ARL16: variants seen among roughly 807,000 people sequenced by gnomAD.
ARL16 encodes ARF like GTPase 16.
In ARL16, 21 loss-of-function variants were observed where a neutral mutation model predicts 14.1. The observed-to-expected ratio is 1.48, with a 90% confidence interval of 1.05 to 2.14. The LOEUF is 2.14. Ranked by LOEUF, ARL16 falls within the 30% of genes most tolerant of loss-of-function variation. The pLI is 0.00. For synonymous variants in ARL16, 122 were observed against 91.8 expected, an observed-to-expected ratio of 1.33 and a Z score of -1.88; for missense variants, 248 against 222.0, an observed-to-expected ratio of 1.12 and a Z score of -0.74.
Position 81,683,694 on chromosome 17 carries a change from C to A in ARL16, c.60G>T (p.Gln20His). 2.5e-6 allele frequency: 4 copies of A among 1,604,498 alleles called. No homozygotes were observed. Among genetic ancestry groups the A allele is most frequent in the Non-Finnish European group, 3.4e-6 (4 of 1,176,660 alleles). The change falls in exon 1 of 5, where the codon CAG becomes CAT. Residue 20 changes from glutamine (Q) to histidine (H), a missense_variant and splice_region_variant. Coordinates refer to ENST00000622299, the MANE Select transcript of ARL16 (RefSeq NM_001040025.3). Reference protein sequence around the residue: ...VGKTLLVKRLQEVSSRDGKGD... With the variant: ...VGKTLLVKRLHEVSSRDGKGD... ...TCCCGTCCCCGCGCGGAAGGATATC[C>A]TGCAGCCGTTTCACCAGCAGCGTCT... is the stretch of plus-strand genomic sequence containing the variant.
chr17:81,683,016 G>A lies in ARL16; in HGVS notation c.231C>T (p.Leu77=), dbSNP rs761478217. 1.6e-5 allele frequency: 26 copies of A among 1,613,120 alleles called. No homozygotes were observed. Among genetic ancestry groups the A allele is most frequent in the Middle Eastern group, 1.6e-4 (1 of 6,084 alleles). ...WSSYYGNCRS[L]LFVMDASDPT... ...CCCATATAGGATTACAACCCACCAG[G>A]AGAGAACGGCAGTTTCCATAGTAAC... Residue 77 remains leucine, a synonymous_variant, in exon 3 of 5, where the codon CTC becomes CTT. Coordinates refer to ENST00000622299, the MANE Select transcript of ARL16 (RefSeq NM_001040025.3).
At position 81,683,539 on chromosome 17, in the gene ARL16, G is replaced by A. The variant is rs899593011; in HGVS notation, c.117C>T (p.Pro39=). Residue 39 remains proline (P), a synonymous_variant, in exon 2 of 5, where the codon CCC becomes CCT. Transcript: ENST00000622299. ...ACCCGCGGGGGCGGACACCTACCGTGGGCCGTGTCGGGGGCGGCTCCCCCA... is the reference window on the plus strand; with the variant it reads ...ACCCGCGGGGGCGGACACCTACCGTAGGCCGTGTCGGGGGCGGCTCCCCCA... The part of the protein sequence containing the change: ...GDLGEPPPTR[P]TVGTNLTDIV... The A allele has an allele frequency of 4.4e-6, 7 of 1,592,470 alleles. No homozygotes were observed. Among genetic ancestry groups the A allele is most frequent in the Admixed American group, 3.5e-5 (2 of 57,538 alleles).
Position 81,683,049 on chromosome 17 carries a change from G to C in ARL16, c.198C>G (p.Ile66Met), listed in dbSNP as rs1490722734. The C allele has an allele frequency of 6.2e-7, 1 of 1,613,730 alleles. No homozygotes were observed. The highest frequency in any genetic ancestry group is 8.5e-7 in the Non-Finnish European group (1 of 1,179,852). ...IRELGGCMGPIWSSYYGNCRS... is the reference protein window; with the variant it reads ...IRELGGCMGPMWSSYYGNCRS... ...GGCAGTTTCCATAGTAACTGGACCA[G>C]ATGGGGCCCATGCACCCCCCAAGCT... The change falls in exon 3 of 5, where the codon ATC becomes ATG. Residue 66 changes from isoleucine (I) to methionine (M), a missense_variant. Transcript: ENST00000622299.
Position 81,683,569 on chromosome 17 carries a change from G to A in ARL16, c.87C>T (p.Gly29=), listed in dbSNP as rs770645375. ...LQEVSSRDGK[G]DLGEPPPTRP... Reference sequence around the variant, plus strand: ...GTGTCGGGGGCGGCTCCCCCAGGTCGCCTTTCCCATCCCGGGAGCTCACCT... The same window carrying A: ...GTGTCGGGGGCGGCTCCCCCAGGTCACCTTTCCCATCCCGGGAGCTCACCT... Residue 29 remains glycine (G), a synonymous_variant, in exon 2 of 5, where the codon GGC becomes GGT. Transcript: ENST00000622299. 1.5e-5 allele frequency: 24 copies of A among 1,601,870 alleles called. No homozygotes were observed. The highest frequency in any genetic ancestry group is 2.7e-5 in the African/African-American group (2 of 74,514).
Position 81,683,748 on chromosome 17 carries a change from A to T in ARL16, c.6T>A (p.Cys2Ter). The part of the protein sequence containing the change: M[C>*]LLLGATGVGK... ...CGACGCCCGTGGCCCCCAGCAGGAG[A>T]CACATTCCGTGCTTCGCTCCACCCG... is the stretch of plus-strand genomic sequence containing the variant. Residue 2 changes from cysteine (C) to a stop codon, truncating the protein, a stop_gained, in exon 1 of 5, where the codon TGT becomes TGA. Coordinates refer to ENST00000622299, the MANE Select transcript of ARL16 (RefSeq NM_001040025.3). LOFTEE classifies it high-confidence loss of function. 1.2e-6 allele frequency: 2 copies of T among 1,608,152 alleles called. No homozygotes were observed. The highest frequency in any genetic ancestry group is 1.3e-5 in the African/African-American group (1 of 74,984).
intron 3 of ARL16, 72 bp downstream of exon 3, chr17:81,682,941 G>T: frequency 1.5e-6 from 2 of 1,343,232 alleles, no homozygotes; most frequent in South Asian, 1.2e-5. Context: ...CACACAGCAA[G>T]GTTGGGGACT....
Position 81,683,746 on chromosome 17 carries a change from A to T in ARL16, c.8T>A (p.Leu3His). The T allele has an allele frequency of 6.2e-7, 1 of 1,608,240 alleles. No individual in the cohort carries two copies. The highest frequency in any genetic ancestry group is 8.5e-7 in the Non-Finnish European group (1 of 1,179,074). Residue 3 changes from leucine to histidine, a missense_variant, in exon 1 of 5, where the codon CTC becomes CAC. Transcript: ENST00000622299. MC[L>H]LLGATGVGKT... ...CCCGACGCCCGTGGCCCCCAGCAGGAGACACATTCCGTGCTTCGCTCCACC... is the reference window on the plus strand; with the variant it reads ...CCCGACGCCCGTGGCCCCCAGCAGGTGACACATTCCGTGCTTCGCTCCACC...
At chr17:81,682,942 G>A (rs1276179202) in intron 3 of ARL16, 71 bp downstream of exon 3, 3 of 1,358,558 alleles carry the variant, frequency 2.2e-6, no homozygotes, top group Non-Finnish European at 3.2e-6. Context: ...ACACAGCAAG[G>A]TTGGGGACTG....
chr17:81,681,631 G>A lies in ARL16; in HGVS notation c.*77C>T, dbSNP rs1598738385. On this transcript the variant is annotated 3_prime_UTR_variant, in exon 5 of 5. Coordinates refer to ENST00000622299, the MANE Select transcript of ARL16 (RefSeq NM_001040025.3). ...TTGGGTTATTCTGCCCCTGTGAGAA[G>A]AAACTATTGGCAGCAAAGCCATACT... 1.0e-5 allele frequency: 15 copies of A among 1,453,824 alleles called. No individual in the cohort carries two copies. The highest frequency in any genetic ancestry group is 7.4e-5 in the East Asian group (3 of 40,302). 90.1% of individuals were successfully genotyped at this position (1,453,824 alleles called of 1,614,324 possible).
chr17:81,682,165 AAGAC>A lies in ARL16; in HGVS notation c.235-20_235-17del, dbSNP rs1568207422. ...CCATCACAAACTGGGGAAAAAGAAA[AAGAC>A]AGCAGCAATGCCCCGCTGCCAAACT... is the stretch of plus-strand genomic sequence containing the variant. On this transcript the variant is annotated splice_polypyrimidine_tract_variant and intron_variant, in intron 3 of 4. Transcript: ENST00000622299. The A allele has an allele frequency of 7.6e-6, 12 of 1,579,420 alleles. No individual in the cohort carries two copies. Among genetic ancestry groups the A allele is most frequent in the African/African-American group, 1.4e-5 (1 of 73,620 alleles).
rs777492466 is a variant in ARL16 at position 81,682,104 on chromosome 17, C to T, written c.280G>A (p.Val94Met). 4.3e-6 allele frequency: 7 copies of T among 1,613,014 alleles called. No individual in the cohort carries two copies. Among genetic ancestry groups the T allele is most frequent in the Admixed American group, 1.7e-5 (1 of 59,884 alleles). Residue 94 changes from valine (V) to methionine (M), a missense_variant, in exon 4 of 5, where the codon GTG (valine) becomes ATG (methionine). Coordinates refer to ENST00000622299, the MANE Select transcript of ARL16 (RefSeq NM_001040025.3). ...GCAGAAAGGAGACCTAAGAGCTGCA[C>T]ACAGGATGCAGAGAGCTGGGTGGGG... Reference protein sequence around the residue: ...SDPTQLSASCVQLLGLLSAEQ... With the variant: ...SDPTQLSASCMQLLGLLSAEQ...
intron 4 of ARL16, 32 bp downstream of exon 4, chr17:81,682,002 G>A: frequency 1.3e-6 from 2 of 1,581,478 alleles, no homozygotes; most frequent in Non-Finnish European, 1.7e-6. Context: ...CCCCGCCCCC[G>A]CTGTGCTCCC....
In ARL16 at chr17:81,681,805, T is replaced by C. The variant is rs372385725; in HGVS notation, c.425A>G (p.Lys142Arg). ...IRLPDIIACAKQNITTAEISA... is the reference protein window; with the variant it reads ...IRLPDIIACARQNITTAEISA... ...GATTTCTGCCGTGGTGATGTTCTGCTTGGCACAAGCAATGATGTCTGGAAG... is the reference window on the plus strand; with the variant it reads ...GATTTCTGCCGTGGTGATGTTCTGCCTGGCACAAGCAATGATGTCTGGAAG... The change falls in exon 5 of 5, where the codon AAG becomes AGG. Residue 142 changes from lysine (K) to arginine (R), a missense_variant. Physicochemically the swap from Lys to Arg is conservative, Grantham distance 26. Coordinates refer to ENST00000622299, the MANE Select transcript of ARL16 (RefSeq NM_001040025.3). The C allele has an allele frequency of 6.2e-7, 1 of 1,612,914 alleles. No individual in the cohort carries two copies. The highest frequency in any genetic ancestry group is 8.5e-7 in the Non-Finnish European group (1 of 1,179,724).
rs756075690 is a variant in ARL16 at position 81,682,962 on chromosome 17, G to C, written c.234+51C>G. The C allele has an allele frequency of 2.0e-6, 3 of 1,524,446 alleles. No homozygotes were observed. In the South Asian group the frequency reaches 3.4e-5, roughly 17 times the overall value. The allele number at this position is 1,524,446 out of a possible 1,614,324, so 94.4% of individuals were successfully genotyped here. ...GCAAGGTTGGGGACTGGACGTCACA[G>C]AAATGTAGACACACTTCCCTAAAGG... On this transcript the variant is annotated intron_variant, in intron 3 of 4. Transcript: ENST00000622299.
Position 81,682,062 on chromosome 17 carries a change from C to G in ARL16, c.322G>C (p.Ala108Pro), listed in dbSNP as rs1265772727. Residue 108 changes from alanine (A) to proline (P), a missense_variant, in exon 4 of 5, where the codon GCA (alanine) becomes CCA (proline). Transcript: ENST00000622299. ...GLLSAEQLAE[A>P]SVLILFNKID... ...TTATTGAAGAGTATCAGCACCGATG[C>G]TTCTGCAAGTTGTTCTGCAGAAAGG... 1.9e-6 allele frequency: 3 copies of G among 1,612,910 alleles called. No individual in the cohort carries two copies. The Admixed American group carries it at 5.0e-5, about 27-fold the overall frequency.
At position 81,682,074 on chromosome 17, in the gene ARL16, G is replaced by A. The variant is rs778454589; in HGVS notation, c.310C>T (p.Gln104Ter). The change falls in exon 4 of 5, where the codon CAA (glutamine) becomes TAA (stop). Residue 104 changes from glutamine to a stop codon, truncating the protein, a stop_gained. Transcript: ENST00000622299. LOFTEE classifies it high-confidence loss of function. Reference sequence around the variant, plus strand: ...ATCAGCACCGATGCTTCTGCAAGTTGTTCTGCAGAAAGGAGACCTAAGAGC... The same window carrying A: ...ATCAGCACCGATGCTTCTGCAAGTTATTCTGCAGAAAGGAGACCTAAGAGC... ...VQLLGLLSAE[Q>*]LAEASVLILF... The A allele has an allele frequency of 3.7e-6, 6 of 1,613,224 alleles. No homozygotes were observed. The highest frequency in any genetic ancestry group is 3.4e-6 in the Non-Finnish European group (4 of 1,179,684).
Position 81,682,079 on chromosome 17 carries a change from G to A in ARL16, c.305C>T (p.Ala102Val). ...SCVQLLGLLS[A>V]EQLAEASVLI... ...CACCGATGCTTCTGCAAGTTGTTCT[G>A]CAGAAAGGAGACCTAAGAGCTGCAC... Residue 102 changes from alanine to valine, a missense_variant, in exon 4 of 5, where the codon GCA (alanine) becomes GTA (valine). Coordinates refer to ENST00000622299, the MANE Select transcript of ARL16 (RefSeq NM_001040025.3). 1 of 1,613,234 alleles carries A rather than the reference G, an allele frequency of 6.2e-7. No individual in the cohort carries two copies. The highest frequency in any genetic ancestry group is 8.5e-7 in the Non-Finnish European group (1 of 1,179,688).
chr17:81,681,747 C>T lies in ARL16; in HGVS notation c.483G>A (p.Val161=). Residue 161 remains valine, a synonymous_variant, in exon 5 of 5, where the codon GTG becomes GTA. Coordinates refer to ENST00000622299, the MANE Select transcript of ARL16 (RefSeq NM_001040025.3). ...TGTGGGTGGCCTGGAGCCAGGCCAG[C>T]ACCCCTGCTAAGCCAGTGCCTTCAC... ...SAREGTGLAG[V]LAWLQATHRA... is the part of the protein sequence containing the mutation. 7 of 1,608,904 alleles carry T rather than the reference C, an allele frequency of 4.4e-6. No individual in the cohort carries two copies. The highest frequency in any genetic ancestry group is 5.1e-6 in the Non-Finnish European group (6 of 1,178,204).
In ARL16 at chr17:81,683,767, C is replaced by T. The variant is rs2036915730; in HGVS notation, c.-14G>A. On this transcript the variant is annotated 5_prime_UTR_variant, in exon 1 of 5. Coordinates refer to ENST00000622299, the MANE Select transcript of ARL16 (RefSeq NM_001040025.3). ...CAGGAGACACATTCCGTGCTTCGCT[C>T]CACCCGGCACCCGTAGCTCGGCGCC... is the stretch of plus-strand genomic sequence containing the variant. The T allele has an allele frequency of 6.2e-7, 1 of 1,607,096 alleles. No homozygotes were observed. Among genetic ancestry groups the T allele is most frequent in the Non-Finnish European group, 8.5e-7 (1 of 1,179,376 alleles).
Sources: allele counts gnomAD v4.1 joint callset, GRCh38; gene constraint gnomAD v4.1.1; transcripts MANE v1.5; gene names NCBI Gene and HGNC (gene_info 2026-07-23, HGNC 2026-07-21).